RAB27A: variants seen among roughly 807,000 people sequenced by gnomAD.
RAB27A encodes the protein RAB27A, member RAS oncogene family.
In RAB27A, 17 loss-of-function variants were observed where a neutral mutation model predicts 20.8. That is an observed-to-expected ratio of 0.82 (90% CI 0.56 to 1.23). The LOEUF (loss-of-function observed/expected upper bound fraction) is 1.23. Ranked by LOEUF, RAB27A falls within the 50% of genes most tolerant of loss-of-function variation. The probability of loss-of-function intolerance (pLI) is 0.00; values close to 1 mark genes in which losing one functional copy is unlikely to be tolerated. For synonymous variants in RAB27A, 85 were observed against 92.8 expected, an observed-to-expected ratio of 0.92 and a Z score of 0.48; for missense variants, 277 against 266.7, an observed-to-expected ratio of 1.04 and a Z score of -0.27.
At chr15:55,280,711 A>G (rs918377348) in intron 1 of RAB27A, among the ~76,000 whole-genome samples, 1 of 151,684 alleles carries the variant, frequency 6.6e-6, no homozygotes, top group Non-Finnish European at 1.5e-5. Flanking sequence ...CCTGTATCCA[A>G]GTGATCTCAT....
intron 2 of RAB27A, among the ~76,000 whole-genome samples, chr15:55,253,320 G>A (rs182009829): frequency 1.9e-4 from 29 of 151,616 alleles, no homozygotes; most frequent in Non-Finnish European, 3.4e-4. Flanking sequence ...GGTGGCGGGT[G>A]CCTATAATTC....
chr15:55,262,360 T>A (rs1436839062), intron 2 of RAB27A, among the ~76,000 whole-genome samples: 1 of 151,840 alleles, frequency 6.6e-6, no homozygotes, highest in Non-Finnish European at 1.5e-5. Flanking sequence ...GCTAACACAG[T>A]GAAACCTCGT....
intron 6 of RAB27A, among the ~76,000 whole-genome samples, chr15:55,210,579 T>A (rs747254666): frequency 6.6e-6 from 1 of 152,154 alleles, no homozygotes; most frequent in Non-Finnish European, 1.5e-5. Flanking sequence ...TTTTGAGAAA[T>A]GTCTATTCAG....
At chr15:55,233,137 GA>G (rs1301295715) in intron 3 of RAB27A, among the ~76,000 whole-genome samples, 1 of 150,104 alleles carries the variant, frequency 6.7e-6, no homozygotes, top group Non-Finnish European at 1.5e-5. Flanking sequence ...AAAGAAAAAA[GA>G]AAAAAAAATT....
intron 1 of RAB27A, chr15:55,270,497 A>C (rs1213223398): frequency 6.6e-6 from 1 of 152,184 alleles, no homozygotes; most frequent in South Asian, 2.1e-4. Flanking sequence ...ACCAAGTTCC[A>C]GTTCGACTGG....
chr15:55,269,128 G>T (rs943620338), intron 2 of RAB27A, among the ~76,000 whole-genome samples: 2 of 152,166 alleles, frequency 1.3e-5, no homozygotes, highest in African/African-American at 2.4e-5. Context: ...TCAGGCTCCA[G>T]AACTGTGAGG....
intron 1 of RAB27A, among the ~76,000 whole-genome samples, chr15:55,279,539 G>A (rs1395060801): frequency 6.6e-6 from 1 of 152,178 alleles, no homozygotes; most frequent in Non-Finnish European, 1.5e-5. Context: ...CTACAGTTAG[G>A]CAAATAGCCT....
At position 55,204,138 on chromosome 15, in the gene RAB27A, A is replaced by G. The variant is rs554024635; in HGVS notation, c.*1369T>C. ...TATGGTGAGTGATATTTCTTCCTAT[A>G]TAGCCATTAAGATCTCTGGAAGTTT... On this transcript the variant is annotated 3_prime_UTR_variant, in exon 7 of 7. Transcript: ENST00000336787. The G allele has an allele frequency of 3.9e-5, 6 of 152,316 alleles. No individual in the cohort carries two copies. The highest frequency in any genetic ancestry group is 1.2e-4 in the African/African-American group (5 of 41,574). The allele number at this position is 152,316 out of a possible 1,614,324, so 9.4% of individuals were successfully genotyped here. A position where few individuals can be genotyped will look rare whatever the true frequency, so the allele number is the denominator to read the frequency against.
upstream of RAB27A, among the ~76,000 whole-genome samples, chr15:55,293,049 C>T (rs2054931523): frequency 6.6e-6 from 1 of 152,184 alleles, no homozygotes; most frequent in South Asian, 2.1e-4. Context: ...CCACTTCTTA[C>T]TGCAGCCACA....
At chr15:55,212,556 G>GAT (rs59132137) in intron 6 of RAB27A, among the ~76,000 whole-genome samples, 1 of 129,932 alleles carries the variant, frequency 7.7e-6, no homozygotes, top group Non-Finnish European at 1.6e-5. Flanking sequence ...TTTTGAGACA[G>GAT]TCTCACTCTG....
chr15:55,249,468 A>G (rs1566919917), intron 2 of RAB27A, among the ~76,000 whole-genome samples: 1 of 152,122 alleles, frequency 6.6e-6, no homozygotes, highest in Non-Finnish European at 1.5e-5. Context: ...TTGGAAGACA[A>G]GGTGTCACTA....
chr15:55,237,657 G>A (rs943100574), intron 2 of RAB27A, among the ~76,000 whole-genome samples: 4 of 152,102 alleles, frequency 2.6e-5, no homozygotes, highest in African/African-American at 9.7e-5. Flanking sequence ...TTGGAAATAA[G>A]AGCTAAGAAT....
At chr15:55,231,168 A>G (rs1433394151) in intron 3 of RAB27A, among the ~76,000 whole-genome samples, 1 of 152,186 alleles carries the variant, frequency 6.6e-6, no homozygotes, top group African/African-American at 2.4e-5. Context: ...TTATGGCTGC[A>G]TAGTATTCTA....
chr15:55,216,599 CATTAA>C (rs1895317594), intron 6 of RAB27A, among the ~76,000 whole-genome samples: 2 of 151,556 alleles, frequency 1.3e-5, no homozygotes, highest in African/African-American at 4.9e-5. Context: ...ACATGGTAAA[CATTAA>C]ATTCTCAATC....
intron 2 of RAB27A, among the ~76,000 whole-genome samples, chr15:55,303,170 G>A (rs1357985752): frequency 1.9e-4 from 21 of 110,838 alleles, no homozygotes; most frequent in African/African-American, 4.1e-4. Context: ...CGCCCCGTCC[G>A]GGAGGTGAGG....
At chr15:55,268,486 C>T (rs189479316) in intron 2 of RAB27A, among the ~76,000 whole-genome samples, 119 of 152,328 alleles carry the variant, frequency 7.8e-4, no homozygotes, top group African/African-American at 2.2e-3. Context: ...GCTCAGAGCA[C>T]GGGAACCCTT....
At chr15:55,224,647 T>C (rs1016319939) in intron 5 of RAB27A, among the ~76,000 whole-genome samples, 1 of 152,198 alleles carries the variant, frequency 6.6e-6, no homozygotes, top group African/African-American at 2.4e-5. Context: ...TTATTTCACC[T>C]GAAAACCTGC....
At chr15:55,312,049 A>C (rs2055022974) in intron 2 of RAB27A, among the ~76,000 whole-genome samples, 1 of 152,222 alleles carries the variant, frequency 6.6e-6, no homozygotes, top group African/African-American at 2.4e-5. Flanking sequence ...GGGTCACGGA[A>C]GAGAACCGTG....
intron 2 of RAB27A, among the ~76,000 whole-genome samples, chr15:55,269,509 G>T (rs180838843): frequency 6.6e-6 from 1 of 152,286 alleles, no homozygotes; most frequent in East Asian, 1.9e-4. Context: ...CACTTTGGGA[G>T]GCCCAGGTGG....
Sources: gnomAD v4.1 joint callset for allele counts (sites outside exome capture counted in the v4.1 genomes callset) on GRCh38, gnomAD v4.1.1 for gene constraint, MANE v1.5 for transcripts, NCBI Gene and HGNC (gene_info 2026-07-23, HGNC 2026-07-21) for gene names.